Variants in MDN1 observed in about 807,000 individuals in gnomAD.
The protein encoded by MDN1 is midasin.
MDN1 carries 266 observed loss-of-function variants against 669.2 expected under a neutral mutation model. That is an observed-to-expected ratio of 0.40 (90% confidence interval 0.36 to 0.44). The LOEUF (loss-of-function observed/expected upper bound fraction) is 0.44, where lower values mean the gene tolerates loss of function less well. MDN1 is among the 20% of genes least tolerant of loss of function. The probability of loss-of-function intolerance (pLI) is 1.00; values close to 1 mark genes in which losing one functional copy is unlikely to be tolerated. For synonymous variants in MDN1, 2,385 were observed against 2,457.1 expected, an observed-to-expected ratio of 0.97 and a Z score of 0.87; for missense variants, 5,940 against 6,754.0, an observed-to-expected ratio of 0.88 and a Z score of 4.22.
intron 2 of MDN1, among the ~76,000 whole-genome samples, chr6:89,796,336 A>AC (rs1554199808): frequency 5.0e-4 from 57 of 114,240 alleles, no homozygotes; most frequent in Admixed American, 1.8e-3. Context: ...AAAAAAAAAA[A>AC]AAAAAAAAAA....
intron 11 of MDN1, among the ~76,000 whole-genome samples, chr6:89,778,911 TAAATAAATAAATAAATAAATAAAA>T (rs1818488492): frequency 6.9e-6 from 1 of 144,030 alleles, no homozygotes. Context: ...AATAAATAAA[TAAATAAATAAATAAATAAATAAAA>T]AAAAAGGTAT....
At position 89,718,938 on chromosome 6, in the gene MDN1, C is replaced by T; in HGVS notation, c.6150G>A (p.Glu2050=). ...TCATCTGCACACACTTCATGATTGA[C>T]TCCAGGGGTTGGAATGACTGGTGCA... ...LLLHQSFQPL[E]SIMKCVQMSW... is the part of the protein sequence containing the mutation. The change falls in exon 42 of 102, where the codon GAG becomes GAA. Residue 2050 remains glutamate (E), a synonymous_variant. Transcript: ENST00000369393. The T allele has an allele frequency of 6.2e-7, 1 of 1,614,164 alleles. No homozygotes were observed. Among genetic ancestry groups the T allele is most frequent in the African/African-American group, 1.3e-5 (1 of 75,046 alleles).
In MDN1 at chr6:89,673,246, A is replaced by G. The variant is rs754061887; in HGVS notation, c.13464T>C (p.Asp4488=). ...AACAATATTCCTTACCTCCTTGGCT[A>G]TCTGAAGTAAGCAGATGGGTCTTCC... ...TTWKTHLLTS[D]SQGGNQMLDE... Residue 4488 remains aspartate (D), a synonymous_variant, in exon 80 of 102, where the codon GAT becomes GAC. Coordinates refer to ENST00000369393, the MANE Select transcript of MDN1 (RefSeq NM_014611.3). 12 of 1,613,290 alleles carry G rather than the reference A, an allele frequency of 7.4e-6. No individual in the cohort carries two copies. Among genetic ancestry groups the G allele is most frequent in the Non-Finnish European group, 2.5e-6 (3 of 1,179,278 alleles).
rs777718865 is a variant in MDN1, at chr6:89,730,732, G to T, written c.5134C>A (p.Pro1712Thr). 1.9e-6 allele frequency: 3 copies of T among 1,611,846 alleles called. No homozygotes were observed. Among genetic ancestry groups the T allele is most frequent in the Non-Finnish European group, 2.5e-6 (3 of 1,179,016 alleles). Reference sequence around the variant, plus strand: ...TTTTAAAAATCATTCTTACCCCTTGGTATAAAAAATGGATGAATTCCCCAA... The same window carrying T: ...TTTTAAAAATCATTCTTACCCCTTGTTATAAAAAATGGATGAATTCCCCAA... ...NLWGIHPFFI[P>T]RGPVLHRNNI... The change falls in exon 35 of 102, where the codon CCA becomes ACA. Residue 1712 changes from proline (P) to threonine (T), a missense_variant. Coordinates refer to ENST00000369393, the MANE Select transcript of MDN1 (RefSeq NM_014611.3).
At chr6:89,669,747 G>A (rs1225229793) in intron 83 of MDN1, among the ~76,000 whole-genome samples, 6 of 152,042 alleles carry the variant, frequency 3.9e-5, no homozygotes, top group African/African-American at 1.2e-4. Flanking sequence ...AAGAGAGACC[G>A]AGAGCTGGAT....
At chr6:89,715,619 G>C in intron 45 of MDN1, 34 bp downstream of exon 45, 1 of 1,357,966 alleles carries the variant, frequency 7.4e-7, no homozygotes, top group Non-Finnish European at 1.1e-6. Flanking sequence ...GAGGCTGTCA[G>C]ATTCTGAGGC....
intron 50 of MDN1, 87 bp downstream of exon 50, chr6:89,710,594 A>C: frequency 1.6e-6 from 1 of 640,802 alleles, no homozygotes; most frequent in South Asian, 2.6e-5. Flanking sequence ...TTATGTTGAG[A>C]CCTCTAACAG....
At position 89,700,818 on chromosome 6, in the gene MDN1, G is replaced by C. The variant is rs376794422; in HGVS notation, c.8466C>G (p.Val2822=). The C allele has an allele frequency of 3.1e-6, 5 of 1,613,998 alleles. No homozygotes were observed. Among genetic ancestry groups the C allele is most frequent in the Non-Finnish European group, 4.2e-6 (5 of 1,180,032 alleles). ...LVVECFSQLK[V]LNKVLAIREQ... ...CCCTGATGGCAAGGACTTTGTTAAGGACCTTCAGTTGTGAAAAACACTCCA... is the reference window on the plus strand; with the variant it reads ...CCCTGATGGCAAGGACTTTGTTAAGCACCTTCAGTTGTGAAAAACACTCCA... The change falls in exon 56 of 102, where the codon GTC becomes GTG. Residue 2822 remains valine (V), a synonymous_variant. Coordinates refer to ENST00000369393, the MANE Select transcript of MDN1 (RefSeq NM_014611.3).
At chr6:89,662,759 G>C (rs777534812) in intron 86 of MDN1, 33 bp downstream of exon 86, 2 of 1,609,472 alleles carry the variant, frequency 1.2e-6, no homozygotes, top group Middle Eastern at 1.7e-4. Context: ...CCTCCTCTCA[G>C]CTTGTTTGGG....
intron 101 of MDN1, among the ~76,000 whole-genome samples, chr6:89,644,743 C>A (rs1808373369): frequency 6.6e-6 from 1 of 152,234 alleles, no homozygotes; most frequent in Admixed American, 6.5e-5. Context: ...GATGGTCATT[C>A]TGAATCTTGG....
At chr6:89,803,890 C>CTTTCTT (rs377468650) in intron 1 of MDN1, among the ~76,000 whole-genome samples, 5,943 of 91,652 alleles carry the variant, frequency 0.065, 655 homozygotes, top group Non-Finnish European at 0.099. Flanking sequence ...CTTTTCTTTT[C>CTTTCTT]TTTTCTTTTT....
chr6:89,791,380 T>C (rs2128326673), intron 5 of MDN1, among the ~76,000 whole-genome samples: 1 of 152,272 alleles, frequency 6.6e-6, no homozygotes. Flanking sequence ...ATAATAACAA[T>C]AGCAGGGATT....
intron 31 of MDN1, among the ~76,000 whole-genome samples, 160 bp from the exon 32 acceptor site, chr6:89,740,538 C>G (rs1427319191): frequency 6.6e-6 from 1 of 152,116 alleles, no homozygotes; most frequent in South Asian, 2.1e-4. Flanking sequence ...GACTCACTAT[C>G]CCAATTTCTG....
At chr6:89,724,821 T>C (rs1815104668) in intron 38 of MDN1, among the ~76,000 whole-genome samples, 1 of 152,188 alleles carries the variant, frequency 6.6e-6, no homozygotes, top group Admixed American at 6.5e-5. Flanking sequence ...TCATAGTAGT[T>C]TTCTGTTCTT....
intron 76 of MDN1, 68 bp downstream of exon 76, chr6:89,677,502 G>A: frequency 1.3e-6 from 2 of 1,592,108 alleles, no homozygotes; most frequent in South Asian, 2.2e-5. Context: ...GTGCAAATGA[G>A]GACAAGGAGT....
At chr6:89,677,999 C>T (rs1039860198) in intron 75 of MDN1, among the ~76,000 whole-genome samples, 1 of 152,210 alleles carries the variant, frequency 6.6e-6, no homozygotes, top group Non-Finnish European at 1.5e-5. Context: ...TTCTGCCAGG[C>T]ACGGTGGCTC....
chr6:89,713,328 TAG>T (rs778876664), intron 46 of MDN1, 32 bp from the exon 47 acceptor site: 6 of 1,554,048 alleles, frequency 3.9e-6, no homozygotes, highest in East Asian at 4.5e-5. Context: ...CTATAAACAA[TAG>T]AGTCTTTAAA....
At chr6:89,677,130 C>T (rs961598152) in intron 76 of MDN1, among the ~76,000 whole-genome samples, 1 of 151,640 alleles carries the variant, frequency 6.6e-6, no homozygotes, top group Non-Finnish European at 1.5e-5. Context: ...CTTACTTTGC[C>T]GCCCAGGCTG....
At chr6:89,791,015 T>C (rs1819243181) in intron 5 of MDN1, among the ~76,000 whole-genome samples, 1 of 151,850 alleles carries the variant, frequency 6.6e-6, no homozygotes, top group Non-Finnish European at 1.5e-5. Context: ...AGAGTGAAAC[T>C]CCGCCTCAAA....
Sources: gnomAD v4.1 joint callset for allele counts (sites outside exome capture counted in the v4.1 genomes callset) on GRCh38, gnomAD v4.1.1 for gene constraint, MANE v1.5 for transcripts, NCBI Gene and HGNC (gene_info 2026-07-23, HGNC 2026-07-21) for gene names.